ARHGAP26: variants seen among roughly 807,000 people sequenced by gnomAD.
The protein encoded by ARHGAP26 is Rho GTPase activating protein 26.
ARHGAP26 carries 38 observed loss-of-function variants against 104.8 expected under a neutral mutation model. The observed-to-expected ratio is 0.36, with a 90% CI of 0.28 to 0.48. The LOEUF (loss-of-function observed/expected upper bound fraction) is 0.48, where lower values mean the gene tolerates loss of function less well. Ranked by LOEUF, ARHGAP26 falls within the 20% of genes least tolerant of loss-of-function variation. The pLI, the probability that ARHGAP26 is intolerant of heterozygous loss-of-function variation, is 0.99. For synonymous variants in ARHGAP26, 341 were observed against 340.0 expected (o/e 1.00, Z -0.03); for missense variants, 704 against 947.9 (o/e 0.74, Z 3.38).
At chr5:142,820,737 A>T (rs983560232) in intron 1 of ARHGAP26, among the ~76,000 whole-genome samples, 1 of 152,230 alleles carries the variant, frequency 6.6e-6, no homozygotes, top group Non-Finnish European at 1.5e-5. Flanking sequence ...GCATGTTCAT[A>T]AAGGCCATAA....
At chr5:143,092,668 C>A (rs1376583616) in intron 17 of ARHGAP26, among the ~76,000 whole-genome samples, 1 of 152,074 alleles carries the variant, frequency 6.6e-6, no homozygotes, top group Non-Finnish European at 1.5e-5. Context: ...ACATGTTACA[C>A]TGTTAACTTT....
chr5:143,171,322 A>G (rs1463377646), intron 20 of ARHGAP26, among the ~76,000 whole-genome samples: 2 of 151,712 alleles, frequency 1.3e-5, no homozygotes, highest in Non-Finnish European at 2.9e-5. Context: ...GGCCTGTGTG[A>G]CCCCCAGCCA....
intron 17 of ARHGAP26, chr5:143,057,978 G>A (rs1460750773): frequency 1.5e-6 from 1 of 664,424 alleles, no homozygotes; most frequent in South Asian, 1.5e-5. Context: ...AGGCCACCAA[G>A]CAGAGTTTTC....
At chr5:143,141,213 G>A (rs941833028) in intron 19 of ARHGAP26, among the ~76,000 whole-genome samples, 4 of 152,198 alleles carry the variant, frequency 2.6e-5, no homozygotes, top group African/African-American at 4.8e-5. Flanking sequence ...TGATGCTGTG[G>A]AAAGCTGGTG....
At chr5:143,138,668 A>G (rs565343377) in intron 19 of ARHGAP26, among the ~76,000 whole-genome samples, 2 of 152,328 alleles carry the variant, frequency 1.3e-5, no homozygotes, top group East Asian at 3.9e-4. Context: ...TGATTTAGCC[A>G]AACTGAACCT....
At chr5:143,219,254 GATA>G (rs1486070731) in intron 22 of ARHGAP26, among the ~76,000 whole-genome samples, 1 of 152,162 alleles carries the variant, frequency 6.6e-6, no homozygotes, top group African/African-American at 2.4e-5. Context: ...GCAAAATACA[GATA>G]ATAATAATAC....
chr5:143,209,780 CA>C (rs59168054), intron 21 of ARHGAP26, among the ~76,000 whole-genome samples: 17,309 of 135,368 alleles, frequency 0.13, 1,136 homozygotes, highest in Non-Finnish European at 0.17. Context: ...GACTCCATCT[CA>C]AAAAAAAAAA....
intron 10 of ARHGAP26, among the ~76,000 whole-genome samples, chr5:142,929,041 G>A (rs752294518): frequency 3.3e-5 from 5 of 152,264 alleles, no homozygotes; most frequent in African/African-American, 7.2e-5. Context: ...GGGTTCAAGC[G>A]ATTTTCCTGC....
chr5:142,809,941 A>G (rs1248398364), intron 1 of ARHGAP26, among the ~76,000 whole-genome samples: 1 of 152,212 alleles, frequency 6.6e-6, no homozygotes, highest in Non-Finnish European at 1.5e-5. Context: ...AGGTTTTAGT[A>G]TCATTGCTTC....
intron 12 of ARHGAP26, among the ~76,000 whole-genome samples, chr5:143,018,624 C>T (rs939876932): frequency 1.1e-4 from 17 of 152,286 alleles, no homozygotes; most frequent in African/African-American, 3.6e-4. Context: ...ATTTGTAGTG[C>T]CAGTGTTCTT....
intron 20 of ARHGAP26, among the ~76,000 whole-genome samples, chr5:143,198,504 A>G (rs1807208861): frequency 1.3e-5 from 2 of 152,228 alleles, no homozygotes; most frequent in Admixed American, 1.3e-4. Context: ...GGTGCACAAT[A>G]GAAGCATTCT....
intron 20 of ARHGAP26, among the ~76,000 whole-genome samples, chr5:143,177,836 C>G (rs1803705702): frequency 6.6e-6 from 1 of 152,018 alleles, no homozygotes; most frequent in African/African-American, 2.4e-5. Context: ...TATTGTTTCC[C>G]CAGCACTTGA....
At chr5:142,949,182 A>AGAGAGAG (rs1767703696) in intron 11 of ARHGAP26, among the ~76,000 whole-genome samples, 1 of 16,248 alleles carries the variant, frequency 6.2e-5, no homozygotes, top group East Asian at 0.011. Context: ...AGAGAGAGAG[A>AGAGAGAG]GAGAGAGAGA....
intron 22 of ARHGAP26, 50 bp from the exon 23 acceptor site, chr5:143,222,308 C>G (rs1562641845): frequency 2.2e-6 from 3 of 1,377,088 alleles, no homozygotes; most frequent in Non-Finnish European, 3.0e-6. Flanking sequence ...CTGCCGCCTG[C>G]TCTATCTGTA....
intron 17 of ARHGAP26, among the ~76,000 whole-genome samples, chr5:143,068,443 T>C (rs1787818556): frequency 6.6e-6 from 1 of 152,168 alleles, no homozygotes; most frequent in South Asian, 2.1e-4. Flanking sequence ...GTTTCTGCCA[T>C]CTCTCCTGTG....
chr5:142,912,933 C>A (rs999187249), intron 9 of ARHGAP26, among the ~76,000 whole-genome samples: 1 of 152,186 alleles, frequency 6.6e-6, no homozygotes, highest in South Asian at 2.1e-4. Context: ...TGTCAACACT[C>A]GTTTATCTAC....
chr5:143,138,945 C>T (rs113573068), intron 19 of ARHGAP26, among the ~76,000 whole-genome samples: 1 of 152,278 alleles, frequency 6.6e-6, no homozygotes, highest in African/African-American at 2.4e-5. Flanking sequence ...GTTAACCAGT[C>T]GTTATTTTGC....
At chr5:142,919,532 A>T (rs1213511385) in intron 10 of ARHGAP26, 2 of 397,516 alleles carry the variant, frequency 5.0e-6, no homozygotes, top group Non-Finnish European at 8.9e-6. Flanking sequence ...AGCAGCACTC[A>T]TGCACCCAGC....
chr5:143,087,734 C>G (rs1790813681), intron 17 of ARHGAP26, among the ~76,000 whole-genome samples: 1 of 136,738 alleles, frequency 7.3e-6, no homozygotes, highest in African/African-American at 2.6e-5. Flanking sequence ...TCCACAACCT[C>G]CGCCTCCCAG....
Sources: allele counts gnomAD v4.1 joint callset (sites outside exome capture counted in the v4.1 genomes callset), GRCh38; gene constraint gnomAD v4.1.1; transcripts MANE v1.5; gene names NCBI Gene and HGNC (gene_info 2026-07-23, HGNC 2026-07-21).